The following FSTL4 variants were observed in gnomAD, a reference collection of about 807,000 sequenced individuals.
FSTL4 encodes follistatin like 4, also known as follistatin-related protein 4.
Under a neutral mutation model 78.2 loss-of-function variants are expected in FSTL4, and 28 were observed. That is an observed-to-expected ratio of 0.36 (90% CI 0.27 to 0.49). FSTL4 has a LOEUF of 0.49. Ranked by LOEUF, FSTL4 falls within the 20% of genes least tolerant of loss-of-function variation. FSTL4 has a pLI of 0.98. For missense variants in FSTL4, 922 were observed against 1,084.9 expected (o/e 0.85, Z 2.11); for synonymous variants, 422 against 440.5 (o/e 0.96, Z 0.53).
the FSTL4 span, among the ~76,000 whole-genome samples, chr5:133,634,580 T>C: frequency 6.6e-6 from 1 of 152,162 alleles, no homozygotes; most frequent in East Asian, 1.9e-4. Flanking sequence ...CCAGAGATTT[T>C]AGCTGTATTT....
At chr5:133,599,178 T>C (rs1467778700) in intron 2 of FSTL4, among the ~76,000 whole-genome samples, 3 of 152,164 alleles carry the variant, frequency 2.0e-5, no homozygotes, top group African/African-American at 4.8e-5. Context: ...TAAAAATCAG[T>C]GCTCAGTCTT....
intron 6 of FSTL4, among the ~76,000 whole-genome samples, chr5:133,257,837 C>T (rs188656288): frequency 4.6e-4 from 70 of 152,280 alleles, no homozygotes; most frequent in African/African-American, 1.6e-3. Context: ...AGTCTACACC[C>T]AAAGATGATG....
the FSTL4 span, among the ~76,000 whole-genome samples, chr5:133,808,870 C>T: frequency 1.3e-5 from 2 of 149,466 alleles, no homozygotes; most frequent in Non-Finnish European, 3.0e-5. Flanking sequence ...CACCCCCCAC[C>T]GCCCCCGCAC....
At chr5:133,424,573 C>A (rs781510839) in intron 3 of FSTL4, among the ~76,000 whole-genome samples, 5 of 152,188 alleles carry the variant, frequency 3.3e-5, no homozygotes, top group Non-Finnish European at 7.3e-5. Context: ...TGTCCCACGG[C>A]GTCTCCAGGT....
chr5:133,576,674 C>A (rs577728195), intron 2 of FSTL4, among the ~76,000 whole-genome samples: 1 of 152,262 alleles, frequency 6.6e-6, no homozygotes, highest in Non-Finnish European at 1.5e-5. Context: ...TGAGGAAGCT[C>A]CTGGCTTCAG....
chr5:133,439,586 GC>G (rs1757108075), intron 3 of FSTL4, among the ~76,000 whole-genome samples: 2 of 152,344 alleles, frequency 1.3e-5, no homozygotes, highest in African/African-American at 4.8e-5. Flanking sequence ...GTCTTCAAGT[GC>G]CAGCTCGTGG....
intron 6 of FSTL4, 134 bp from the exon 7 acceptor site, chr5:133,249,710 A>G: frequency 3.0e-6 from 2 of 659,254 alleles, no homozygotes; most frequent in Non-Finnish European, 5.2e-6. Context: ...AATTGTTTAC[A>G]ATGTGCTGAC....
At chr5:133,534,892 A>G (rs1221313376) in intron 3 of FSTL4, among the ~76,000 whole-genome samples, 1 of 152,060 alleles carries the variant, frequency 6.6e-6, no homozygotes, top group Non-Finnish European at 1.5e-5. Flanking sequence ...TTAATATGTG[A>G]GCCAACCTGC....
intron 4 of FSTL4, among the ~76,000 whole-genome samples, chr5:133,343,332 G>A (rs1754626564): frequency 6.6e-6 from 1 of 152,184 alleles, no homozygotes; most frequent in South Asian, 2.1e-4. Context: ...CCTTGGCTGG[G>A]CTGGACACTC....
intron 4 of FSTL4, among the ~76,000 whole-genome samples, chr5:133,398,035 C>T (rs1255057394): frequency 1.3e-5 from 2 of 152,222 alleles, no homozygotes; most frequent in Admixed American, 1.3e-4. Context: ...TTATATCCTC[C>T]TTTGTTCCAG....
the FSTL4 span, among the ~76,000 whole-genome samples, chr5:133,633,076 A>AT: frequency 1.4e-5 from 2 of 139,368 alleles, no homozygotes; most frequent in Non-Finnish European, 3.2e-5. Context: ...TGCTTTCAAT[A>AT]TTTTTTTATT....
rs186356539 is a variant in FSTL4 at position 133,407,577 on chromosome 5, T to A, written c.161-6591A>T. On this transcript the variant is annotated intron_variant, in intron 3 of 15. Coordinates refer to ENST00000265342, the MANE Select transcript of FSTL4 (RefSeq NM_015082.2). ...AATGTTTACAGATCCTAACCTGAGG[T>A]CTGACAAATTGACTTCAAAGTCAGA... 1.7e-3 allele frequency among the ~76,000 whole-genome samples: 258 copies of A among 152,278 alleles called. 3 individuals carry two copies. The highest frequency in any genetic ancestry group is 2.1e-3 in the South Asian group (10 of 4,812).
chr5:133,723,478 G>T, the FSTL4 span, among the ~76,000 whole-genome samples: 1 of 152,170 alleles, frequency 6.6e-6, no homozygotes, highest in East Asian at 1.9e-4. Context: ...CCCAGGCTCT[G>T]TGAGGCCAGG....
chr5:133,655,036 T>C, the FSTL4 span, among the ~76,000 whole-genome samples: 1 of 152,176 alleles, frequency 6.6e-6, no homozygotes, highest in African/African-American at 2.4e-5. Flanking sequence ...TACCAACATC[T>C]GTCTCCACCA....
intron 4 of FSTL4, among the ~76,000 whole-genome samples, chr5:133,371,250 T>C (rs1057232548): frequency 2.0e-5 from 3 of 152,216 alleles, no homozygotes; most frequent in Admixed American, 2.0e-4. Context: ...ACTCCGAGAC[T>C]CTGACCACGT....
intron 3 of FSTL4, among the ~76,000 whole-genome samples, chr5:133,524,687 CT>C (rs1353258749): frequency 6.6e-6 from 1 of 152,212 alleles, no homozygotes; most frequent in African/African-American, 2.4e-5. Flanking sequence ...CACCCCGCCC[CT>C]GGGTGGGTTG....
intron 6 of FSTL4, among the ~76,000 whole-genome samples, chr5:133,263,111 G>T (rs1475400233): frequency 6.6e-6 from 1 of 152,152 alleles, no homozygotes; most frequent in African/African-American, 2.4e-5. Flanking sequence ...TGAATACTGG[G>T]GTTTTGGCCT....
the FSTL4 span, among the ~76,000 whole-genome samples, chr5:133,649,735 C>A: frequency 6.6e-6 from 1 of 151,940 alleles, no homozygotes; most frequent in Non-Finnish European, 1.5e-5. Flanking sequence ...TTTAAGAGTT[C>A]TTTGTGTATT....
At chr5:133,322,088 A>T (rs1398168220) in intron 4 of FSTL4, among the ~76,000 whole-genome samples, 1 of 152,164 alleles carries the variant, frequency 6.6e-6, no homozygotes, top group Non-Finnish European at 1.5e-5. Context: ...GGAGAATTTC[A>T]GGGAAGCCCC....
Sources: gnomAD v4.1 joint callset for allele counts (sites outside exome capture counted in the v4.1 genomes callset) on GRCh38, gnomAD v4.1.1 for gene constraint, MANE v1.5 for transcripts, NCBI Gene and HGNC (gene_info 2026-07-23, HGNC 2026-07-21) for gene names.